TUSC3: variants seen among roughly 807,000 people sequenced by gnomAD.
TUSC3 encodes tumor suppressor candidate 3.
Under a neutral mutation model 44.8 loss-of-function variants are expected in TUSC3, and 45 were observed. The ratio of observed to expected loss-of-function variants is 1.00; its 90% confidence interval spans 0.79 to 1.29. TUSC3 has a LOEUF of 1.29. TUSC3 is among the 50% of genes most tolerant of loss of function. The pLI is 0.00. For synonymous variants in TUSC3, 212 were observed against 152.9 expected (o/e 1.39, Z -2.85); for missense variants, 519 against 437.9 (o/e 1.19, Z -1.65).
intron 6 of TUSC3, among the ~76,000 whole-genome samples, chr8:15,713,850 A>T (rs937779706): frequency 6.6e-6 from 1 of 152,158 alleles, no homozygotes; most frequent in Non-Finnish European, 1.5e-5. Context: ...GAGGGACTCA[A>T]TTCAGCCTCT....
chr8:15,759,575 T>C (rs352804), intron 10 of TUSC3, among the ~76,000 whole-genome samples: 45,620 of 151,862 alleles, frequency 0.3, 7,202 homozygotes, highest in Non-Finnish European at 0.35. Flanking sequence ...GCTTTTGATA[T>C]ACCCTCGGTC....
chr8:15,475,544 T>A (rs1035717445), intron 1 of TUSC3, among the ~76,000 whole-genome samples: 3 of 152,194 alleles, frequency 2.0e-5, no homozygotes, highest in Admixed American at 6.6e-5. Flanking sequence ...GATCAGAAAT[T>A]GTTTAACCCT....
intron 5 of TUSC3, among the ~76,000 whole-genome samples, chr8:15,670,298 A>G (rs1807887670): frequency 6.6e-6 from 1 of 151,804 alleles, no homozygotes; most frequent in East Asian, 1.9e-4. Context: ...GAGAACTTAC[A>G]CTTACAGATA....
intron 1 of TUSC3, among the ~76,000 whole-genome samples, chr8:15,576,560 TG>T (rs1327413660): frequency 6.8e-6 from 1 of 146,048 alleles, no homozygotes; most frequent in African/African-American, 2.6e-5. Flanking sequence ...GAATATGCCG[TG>T]ATTGGTTTTT....
At chr8:15,740,812 C>T (rs1353184567) in intron 7 of TUSC3, among the ~76,000 whole-genome samples, 1 of 152,096 alleles carries the variant, frequency 6.6e-6, no homozygotes, top group Non-Finnish European at 1.5e-5. Flanking sequence ...TGCACATGTA[C>T]ACTAGGAGAC....
chr8:15,588,510 G>A (rs1803688247), intron 1 of TUSC3, among the ~76,000 whole-genome samples: 1 of 152,090 alleles, frequency 6.6e-6, no homozygotes, highest in African/African-American at 2.4e-5. Flanking sequence ...TCTATGGGCT[G>A]TCTCTTCACT....
intron 1 of TUSC3, among the ~76,000 whole-genome samples, chr8:15,475,183 G>A (rs1012721518): frequency 2.3e-4 from 35 of 151,896 alleles, no homozygotes; most frequent in Admixed American, 1.6e-3. Flanking sequence ...CTATTTAGTC[G>A]TCAACATTCC....
chr8:15,437,937 C>T lies in TUSC3; in HGVS notation n.91+20632C>T, dbSNP rs182888250. 1.6e-4 allele frequency among the ~76,000 whole-genome samples: 24 copies of T among 152,252 alleles called. 1 individual carries two copies. The highest frequency in any genetic ancestry group is 5.1e-4 in the African/African-American group (21 of 41,552). On this transcript the variant is annotated intron_variant and non_coding_transcript_variant, in intron 1 of 5. Coordinates refer to the TUSC3 transcript ENST00000503191. ...CTTGAAAACATTATCCCAAAGTGGT[C>T]GTATGAGAAGCAGGCAGAATAAAAG...
chr8:15,816,531 A>G, the TUSC3 span, among the ~76,000 whole-genome samples: 15 of 152,156 alleles, frequency 9.9e-5, no homozygotes, highest in Non-Finnish European at 1.6e-4. Context: ...TGAGTAGTGG[A>G]AAGGGTGACT....
intron 1 of TUSC3, among the ~76,000 whole-genome samples, chr8:15,423,986 T>TGG (rs1799773967): frequency 3.6e-5 from 4 of 110,796 alleles, no homozygotes; most frequent in East Asian, 5.7e-4. Context: ...TTTTTTTTTT[T>TGG]TTTTTTTTTT....
chr8:15,595,950 T>C (rs1016133547), intron 1 of TUSC3, among the ~76,000 whole-genome samples: 1 of 152,160 alleles, frequency 6.6e-6, no homozygotes, highest in African/African-American at 2.4e-5. Flanking sequence ...ATAGTAATGG[T>C]CCCAAAGGTA....
Position 15,556,866 on chromosome 8 carries a change from G to C in TUSC3, c.138+16298G>C, listed in dbSNP as rs550983855. Among the ~76,000 whole-genome samples, 86 of 139,672 alleles carry C rather than the reference G, an allele frequency of 6.2e-4. 1 individual carries two copies. In the South Asian group the frequency reaches 6.7e-3, roughly 11 times the overall value. 91.6% of individuals were successfully genotyped at this position (139,672 alleles called of 152,430 possible). On this transcript the variant is annotated intron_variant, in intron 1 of 10. Transcript: ENST00000503731. ...TGATGGGGTTGTTTGTTTTTTTCTT[G>C]TAAATTTGTTTGAGTTCATTGTAGA...
chr8:15,499,391 T>C (rs1391879733), intron 2 of TUSC3, among the ~76,000 whole-genome samples: 1 of 152,208 alleles, frequency 6.6e-6, no homozygotes, highest in East Asian at 1.9e-4. Context: ...ACTTTTGCAT[T>C]ATCTCAGAAA....
At chr8:15,549,358 G>C (rs940050732) in intron 1 of TUSC3, among the ~76,000 whole-genome samples, 17 of 151,366 alleles carry the variant, frequency 1.1e-4, no homozygotes, top group Non-Finnish European at 2.2e-4. Flanking sequence ...ATTTTTAGTA[G>C]AGGCTGGGTT....
At chr8:15,573,806 A>G (rs997547335) in intron 1 of TUSC3, among the ~76,000 whole-genome samples, 3 of 152,040 alleles carry the variant, frequency 2.0e-5, no homozygotes, top group Admixed American at 6.6e-5. Flanking sequence ...ATCTAAACAT[A>G]CTTTGGAAGA....
rs570257890 is a variant in TUSC3 at position 15,569,664 on chromosome 8, C to T, written c.138+29096C>T. Among the ~76,000 whole-genome samples the T allele has an allele frequency of 5.9e-5, 9 of 152,206 alleles. No individual in the cohort carries two copies. The South Asian group carries it at 6.2e-4, about 11-fold the overall frequency. On this transcript the variant is annotated intron_variant, in intron 1 of 10. Coordinates refer to ENST00000503731, the MANE Select transcript of TUSC3 (RefSeq NM_006765.4). ...TAAACTGGGACTTTCCCTGGGCTAA[C>T]GGGGACATCTCGTTACGTGAGTTAG...
At chr8:15,787,813 A>C in the TUSC3 span, among the ~76,000 whole-genome samples, 1 of 152,310 alleles carries the variant, frequency 6.6e-6, no homozygotes, top group Non-Finnish European at 1.5e-5. Flanking sequence ...CGTTCACGTA[A>C]TTTCTTCCCA....
the TUSC3 span, among the ~76,000 whole-genome samples, chr8:15,837,052 G>A: frequency 6.6e-6 from 1 of 152,158 alleles, no homozygotes; most frequent in African/African-American, 2.4e-5. Context: ...TTGTCTGACT[G>A]TAAGATTCTT....
chr8:15,790,873 A>G, the TUSC3 span, among the ~76,000 whole-genome samples: 1 of 152,174 alleles, frequency 6.6e-6, no homozygotes, highest in African/African-American at 2.4e-5. Flanking sequence ...TGGGGTTCGT[A>G]TCCTGAAGGA....
Sources: allele counts gnomAD v4.1 joint callset (sites outside exome capture counted in the v4.1 genomes callset), GRCh38; gene constraint gnomAD v4.1.1; transcripts MANE v1.5; gene names NCBI Gene and HGNC (gene_info 2026-07-23, HGNC 2026-07-21).